GTF2H2C: variants seen among roughly 807,000 people sequenced by gnomAD.
The protein encoded by GTF2H2C is GTF2H2 family member C, also known as general transcription factor IIH subunit 2-like protein.
A neutral mutation model predicts 24.8 loss-of-function variants in GTF2H2C; 5 were observed. That is an observed-to-expected ratio of 0.20 (90% confidence interval 0.11 to 0.42). The LOEUF (loss-of-function observed/expected upper bound fraction) is 0.42. Ranked by LOEUF, GTF2H2C falls within the 20% of genes least tolerant of loss-of-function variation. GTF2H2C has a pLI of 1.00. For synonymous variants in GTF2H2C, 14 were observed against 52.6 expected, an observed-to-expected ratio of 0.27 and a Z score of 3.18; for missense variants, 45 against 169.8, an observed-to-expected ratio of 0.27 and a Z score of 4.08.
chr5:69,587,379 C>G (rs2112258921), intron 15 of GTF2H2C, among the ~76,000 whole-genome samples: 2 of 42,612 alleles, frequency 4.7e-5, no homozygotes, highest in South Asian at 1.4e-3. Context: ...GCCTGTAATC[C>G]CAGCACTTTG....
intron 15 of GTF2H2C, among the ~76,000 whole-genome samples, 192 bp from the exon 16 acceptor site, chr5:69,590,136 C>T (rs1467736066): frequency 6.7e-6 from 1 of 149,198 alleles, no homozygotes; most frequent in Non-Finnish European, 1.5e-5. Flanking sequence ...CCACCCGCCT[C>T]GGCCTCCCAA....
At position 69,563,562 on chromosome 5, in the gene GTF2H2C, A is replaced by G. The variant is rs879011093; in HGVS notation, c.-34+792A>G. Among the ~76,000 whole-genome samples, 6 of 151,990 alleles carry G rather than the reference A, an allele frequency of 3.9e-5. No individual in the cohort carries two copies. In the South Asian group the frequency reaches 6.2e-4, roughly 16 times the overall value. ...TTTTGTTTTCAACTTTTATTTTCAC[A>G]GAGTACGTGTGCATGTTGGTTACAT... On this transcript the variant is annotated intron_variant, in intron 2 of 16. Transcript: ENST00000380729.
intron 12 of GTF2H2C, 30 bp downstream of exon 12, chr5:69,579,894 A>C: frequency 6.5e-7 from 1 of 1,533,872 alleles, no homozygotes. Context: ...TAAAAAATAC[A>C]TATCTAGGCT....
Position 69,560,226 on chromosome 5 carries a change from T to A in GTF2H2C, c.-309T>A, listed in dbSNP as rs1770213197. ...GTCGGGCTGAGTTTCCGGCTGAGAG[T>A]CCTTCTAGCGGCGCCGGTGAGTCCG... is the stretch of plus-strand genomic sequence containing the variant. On this transcript the variant is annotated 5_prime_UTR_variant, in exon 1 of 17. Coordinates refer to ENST00000380729, the MANE Select transcript of GTF2H2C (RefSeq NM_001376000.2). 1 of 151,940 alleles carries A rather than the reference T, an allele frequency of 6.6e-6. No individual in the cohort carries two copies. The highest frequency in any genetic ancestry group is 2.4e-5 in the African/African-American group (1 of 41,288). The allele number at this position is 151,940 out of a possible 1,614,324, so 9.4% of individuals were successfully genotyped here.
At chr5:69,587,007 C>T (rs1490455037) in intron 15 of GTF2H2C, among the ~76,000 whole-genome samples, 1 of 124,242 alleles carries the variant, frequency 8.0e-6, no homozygotes, top group East Asian at 2.0e-4. Flanking sequence ...ATGGAGAAAC[C>T]CCATCTCTAC....
chr5:69,562,329 G>T (rs999409835), intron 1 of GTF2H2C, among the ~76,000 whole-genome samples: 4 of 151,934 alleles, frequency 2.6e-5, no homozygotes, highest in Admixed American at 2.6e-4. Context: ...AACAAAAAAA[G>T]AAACAAAAAT....
chr5:69,560,903 G>A (rs1770284365), intron 1 of GTF2H2C, among the ~76,000 whole-genome samples: 1 of 151,654 alleles, frequency 6.6e-6, no homozygotes, highest in Non-Finnish European at 1.5e-5. Context: ...AACTACAGGC[G>A]CGTGCCACCA....
intron 9 of GTF2H2C, among the ~76,000 whole-genome samples, chr5:69,573,145 TAC>T (rs779761105): frequency 0.038 from 4,474 of 117,342 alleles, 106 homozygotes; most frequent in African/African-American, 0.047. Context: ...CTATTATATA[TAC>T]ACACACACAC....
chr5:69,564,876 T>C (rs1189027009), intron 2 of GTF2H2C, among the ~76,000 whole-genome samples: 3 of 152,108 alleles, frequency 2.0e-5, no homozygotes, highest in Non-Finnish European at 2.9e-5. Flanking sequence ...AAGACACTTA[T>C]TTTTATTGGT....
chr5:69,561,553 CAG>C (rs552087330), intron 1 of GTF2H2C, among the ~76,000 whole-genome samples: 5 of 30,078 alleles, frequency 1.7e-4, no homozygotes, highest in Non-Finnish European at 4.2e-4. Flanking sequence ...ACTCTTGTCT[CAG>C]AAAAAAAAGA....
At chr5:69,563,210 T>G (rs1770498734) in intron 2 of GTF2H2C, among the ~76,000 whole-genome samples, 1 of 5,262 alleles carries the variant, frequency 1.9e-4, no homozygotes, top group Non-Finnish European at 8.9e-4. Context: ...CCGGCCTGGT[T>G]TTTTTTTTTT....
intron 2 of GTF2H2C, among the ~76,000 whole-genome samples, chr5:69,563,218 T>G (rs1444131241): frequency 6.9e-6 from 1 of 145,678 alleles, no homozygotes; most frequent in Non-Finnish European, 1.5e-5. Flanking sequence ...GTTTTTTTTT[T>G]TTTTTTTTTT....
chr5:69,590,129 C>T (rs1170869186), intron 15 of GTF2H2C, among the ~76,000 whole-genome samples, 199 bp from the exon 16 acceptor site: 10 of 149,766 alleles, frequency 6.7e-5, no homozygotes, highest in Non-Finnish European at 1.0e-4. Context: ...AGGTGATCCA[C>T]CCGCCTCGGC....
intron 12 of GTF2H2C, among the ~76,000 whole-genome samples, chr5:69,582,155 TA>T (rs1366692282): frequency 1.1e-5 from 1 of 94,246 alleles, no homozygotes; most frequent in Non-Finnish European, 2.2e-5. Context: ...TGAGGTCATA[TA>T]TAGACAGGTC....
chr5:69,579,713 TTA>T, intron 11 of GTF2H2C, 42 bp from the exon 12 acceptor site: 1 of 1,541,586 alleles, frequency 6.5e-7, no homozygotes, highest in Non-Finnish European at 8.8e-7. Flanking sequence ...GTACAGTTCG[TTA>T]TGTCTATGAA....
intron 9 of GTF2H2C, among the ~76,000 whole-genome samples, chr5:69,573,138 TTATA>T (rs1190881251): frequency 4.0e-4 from 31 of 77,542 alleles, no homozygotes; most frequent in African/African-American, 1.9e-3. Flanking sequence ...TATATATCTA[TTATA>T]TATACACACA....
intron 8 of GTF2H2C, chr5:69,568,493 T>TG (rs1264515864): frequency 7.9e-6 from 1 of 126,530 alleles, no homozygotes; most frequent in Non-Finnish European, 1.3e-5. Flanking sequence ...TTTCTTTCCT[T>TG]TTTTTTTTTT....
intron 1 of GTF2H2C, among the ~76,000 whole-genome samples, chr5:69,561,047 A>G (rs1266801915): frequency 6.6e-6 from 1 of 151,904 alleles, no homozygotes; most frequent in Non-Finnish European, 1.5e-5. Flanking sequence ...TGAGCCACCC[A>G]CCTGGCCTCG....
intron 2 of GTF2H2C, 124 bp from the exon 3 acceptor site, chr5:69,564,976 A>G: frequency 1.4e-6 from 1 of 693,128 alleles, no homozygotes; most frequent in Non-Finnish European, 2.4e-6. Flanking sequence ...AGTAAAATAC[A>G]AAGAATAAGA....
Sources: gnomAD v4.1 joint callset for allele counts (sites outside exome capture counted in the v4.1 genomes callset) on GRCh38, gnomAD v4.1.1 for gene constraint, MANE v1.5 for transcripts, NCBI Gene and HGNC (gene_info 2026-07-23, HGNC 2026-07-21) for gene names.